Variants in AGO3 observed in about 807,000 individuals in gnomAD.
The protein encoded by AGO3 is argonaute RISC catalytic component 3.
AGO3 carries 16 observed loss-of-function variants against 105.5 expected under a neutral mutation model. The observed-to-expected ratio is 0.15, with a 90% CI of 0.10 to 0.23. The LOEUF (loss-of-function observed/expected upper bound fraction) is 0.23, where lower values mean the gene tolerates loss of function less well. AGO3 is among the 10% of genes least tolerant of loss of function. The probability of loss-of-function intolerance (pLI) is 1.00; values close to 1 mark genes in which losing one functional copy is unlikely to be tolerated. For missense variants in AGO3, 534 were observed against 1,088.0 expected (o/e 0.49, Z 7.16); for synonymous variants, 340 against 367.3 (o/e 0.93, Z 0.85).
At chr1:36,021,384 A>G (rs1432208170) in intron 11 of AGO3, among the ~76,000 whole-genome samples, 11 of 152,196 alleles carry the variant, frequency 7.2e-5, no homozygotes, top group Admixed American at 7.2e-4. Flanking sequence ...GTGGCCTACA[A>G]TAGTTTAACG....
chr1:36,011,972 G>A (rs565818896), intron 9 of AGO3, among the ~76,000 whole-genome samples: 4 of 152,212 alleles, frequency 2.6e-5, no homozygotes, highest in East Asian at 1.9e-4. Context: ...GTCATTATTC[G>A]CTGTAACCTT....
chr1:35,963,341 A>G (rs530310025), intron 2 of AGO3, among the ~76,000 whole-genome samples: 1 of 151,968 alleles, frequency 6.6e-6, no homozygotes, highest in Non-Finnish European at 1.5e-5. Context: ...AATTTTTTAC[A>G]GATAAATCTT....
intron 3 of AGO3, among the ~76,000 whole-genome samples, chr1:35,971,757 C>A (rs765681825): frequency 1.3e-5 from 2 of 152,048 alleles, no homozygotes; most frequent in Non-Finnish European, 2.9e-5. Context: ...TATTCCATGG[C>A]AGTTTCAAGA....
chr1:36,014,771 CAAAAA>C (rs58580607), intron 11 of AGO3, among the ~76,000 whole-genome samples: 1 of 58,546 alleles, frequency 1.7e-5, no homozygotes. Context: ...ACTCTGTCTC[CAAAAA>C]AAAAAAAAAA....
chr1:36,031,862 G>A (rs1239804894), intron 12 of AGO3, among the ~76,000 whole-genome samples: 2 of 142,566 alleles, frequency 1.4e-5, no homozygotes, highest in Non-Finnish European at 3.0e-5. Context: ...CCTTTTTTGG[G>A]CCAAATAATA....
intron 1 of AGO3, among the ~76,000 whole-genome samples, chr1:35,937,797 G>A (rs1025100022): frequency 3.3e-5 from 5 of 152,110 alleles, no homozygotes; most frequent in African/African-American, 1.2e-4. Context: ...AATAATAAGT[G>A]CGGTATGTTT....
Position 35,931,423 on chromosome 1 carries a change from A to G in AGO3, c.-4A>G. 1 of 1,512,272 alleles carries G rather than the reference A, an allele frequency of 6.6e-7. No homozygotes were observed. Among genetic ancestry groups the G allele is most frequent in the Non-Finnish European group, 8.9e-7 (1 of 1,129,444 alleles). 93.7% of individuals were successfully genotyped at this position (1,512,272 alleles called of 1,614,324 possible). The stretch of plus-strand genomic sequence containing the variant: ...CCCTCGAAGCACTCCCCCCAGCTCC[A>G]TGAATGGAAATCGGCTCCGCAGGTG... On this transcript the variant is annotated 5_prime_UTR_variant, in exon 1 of 19. It removes an upstream start codon present in the reference 5' UTR. Transcript: ENST00000373191.
At chr1:35,958,572 A>G (rs561989297) in intron 2 of AGO3, among the ~76,000 whole-genome samples, 86 of 151,814 alleles carry the variant, frequency 5.7e-4, no homozygotes, top group African/African-American at 2.1e-3. Flanking sequence ...GAGACAGGAG[A>G]ATGGCTTGAG....
chr1:35,980,320 C>T (rs978060205), intron 5 of AGO3, among the ~76,000 whole-genome samples: 9 of 152,188 alleles, frequency 5.9e-5, no homozygotes, highest in African/African-American at 2.2e-4. Context: ...ACATGAGGTG[C>T]AGTCATTGAG....
intron 2 of AGO3, among the ~76,000 whole-genome samples, chr1:35,966,240 C>T (rs920202406): frequency 2.4e-4 from 36 of 152,190 alleles, no homozygotes; most frequent in African/African-American, 8.7e-4. Flanking sequence ...TGTCACTTCC[C>T]TCTCTAGAGG....
At chr1:35,952,994 C>G (rs1457838211) in intron 2 of AGO3, among the ~76,000 whole-genome samples, 1 of 152,146 alleles carries the variant, frequency 6.6e-6, no homozygotes, top group Admixed American at 6.5e-5. Flanking sequence ...TTGACTACTA[C>G]AAATAATGCT....
chr1:35,940,149 C>T (rs1234212522), intron 1 of AGO3, among the ~76,000 whole-genome samples: 1 of 152,070 alleles, frequency 6.6e-6, no homozygotes, highest in Non-Finnish European at 1.5e-5. Flanking sequence ...TGACTGCAAC[C>T]TTCACCTCCC....
intron 17 of AGO3, among the ~76,000 whole-genome samples, chr1:36,051,739 C>T (rs1365134514): frequency 6.6e-6 from 1 of 151,922 alleles, no homozygotes; most frequent in Non-Finnish European, 1.5e-5. Flanking sequence ...AGAACTCAAA[C>T]AACTCAACAG....
At chr1:35,984,164 G>T (rs933598447) in intron 5 of AGO3, among the ~76,000 whole-genome samples, 1 of 152,052 alleles carries the variant, frequency 6.6e-6, no homozygotes, top group Non-Finnish European at 1.5e-5. Flanking sequence ...GCCAAGAGGG[G>T]AAACATATCC....
At chr1:36,023,581 G>A (rs1363193414) in intron 11 of AGO3, among the ~76,000 whole-genome samples, 1 of 152,170 alleles carries the variant, frequency 6.6e-6, no homozygotes, top group African/African-American at 2.4e-5. Context: ...CTTGATACTT[G>A]CCTTATTTGA....
At chr1:36,050,662 G>A (rs1486936695) in intron 17 of AGO3, among the ~76,000 whole-genome samples, 1 of 148,576 alleles carries the variant, frequency 6.7e-6, no homozygotes, top group Non-Finnish European at 1.5e-5. Flanking sequence ...TGTGGTGGCG[G>A]GCGCCTATAA....
rs1642881936 is a variant in AGO3, at chr1:36,055,367, T to C, written c.2474+222T>C. The C allele has an allele frequency of 4.9e-6, 3 of 613,268 alleles. No individual in the cohort carries two copies. The highest frequency in any genetic ancestry group is 8.6e-6 in the Non-Finnish European group (3 of 349,970). 38.0% of individuals were successfully genotyped at this position (613,268 alleles called of 1,614,324 possible). A position where few individuals can be genotyped will look rare whatever the true frequency, so the allele number is the denominator to read the frequency against. ...TACTACATTAATTCAAAGGAGAGAT[T>C]ATTGGTAATAAAGTGATACATTCAG... is the stretch of plus-strand genomic sequence containing the variant. On this transcript the variant is annotated intron_variant, in intron 18 of 18. Coordinates refer to ENST00000373191, the MANE Select transcript of AGO3 (RefSeq NM_024852.4). The surrounding 1 kb of genome is among the most constrained non-coding windows in gnomAD (Gnocchi z 4.4).
intron 17 of AGO3, among the ~76,000 whole-genome samples, chr1:36,047,735 G>A (rs958744151): frequency 1.3e-5 from 2 of 151,860 alleles, no homozygotes; most frequent in Non-Finnish European, 2.9e-5. Context: ...ACAAAAATTA[G>A]CCAGGCATGG....
chr1:35,990,994 T>TTC (rs1179022984), intron 5 of AGO3, among the ~76,000 whole-genome samples: 1 of 152,122 alleles, frequency 6.6e-6, no homozygotes. Flanking sequence ...CCAGGCGGGC[T>TTC]ATCTTCACAT....
Sources: allele counts gnomAD v4.1 joint callset (sites outside exome capture counted in the v4.1 genomes callset), GRCh38; gene constraint gnomAD v4.1.1; non-coding constraint Gnocchi (gnomAD v3.1); transcripts MANE v1.5; gene names NCBI Gene and HGNC (gene_info 2026-07-23, HGNC 2026-07-21).